Variants in PDLIM1 observed in about 807,000 individuals in gnomAD.
PDLIM1 encodes the protein PDZ and LIM domain protein 1.
In PDLIM1, 25 loss-of-function variants were observed where a neutral mutation model predicts 35.2. That is an observed-to-expected ratio of 0.71 (90% confidence interval 0.52 to 0.99). The LOEUF (loss-of-function observed/expected upper bound fraction) is 0.99. Ranked by LOEUF, PDLIM1 falls within the 50% of genes least tolerant of loss-of-function variation. The pLI is 0.00. For missense variants in PDLIM1, 363 were observed against 415.3 expected, an observed-to-expected ratio of 0.87 and a Z score of 1.09; for synonymous variants, 152 against 154.0, an observed-to-expected ratio of 0.99 and a Z score of 0.10.
intron 1 of PDLIM1, among the ~76,000 whole-genome samples, chr10:95,288,975 G>A (rs928408631): frequency 6.6e-6 from 1 of 152,124 alleles, no homozygotes; most frequent in South Asian, 2.1e-4. Flanking sequence ...AATAATAAAT[G>A]AGTGAATATA....
In PDLIM1 at chr10:95,237,961, A is replaced by C; in HGVS notation, c.954T>G (p.Pro318=). The part of the protein sequence containing the change: ...EKHARERVTP[P]EGYEVVTVFP... ...ACACAGTGACCACTTCATAACCCTC[A>C]GGTGGTGTGACTCGCTCCCGGGCAT... Residue 318 remains proline, a synonymous_variant, in exon 7 of 7, where the codon CCT becomes CCG. Coordinates refer to ENST00000329399, the MANE Select transcript of PDLIM1 (RefSeq NM_020992.4). The C allele has an allele frequency of 6.2e-7, 1 of 1,614,194 alleles. No homozygotes were observed. Among genetic ancestry groups the C allele is most frequent in the Non-Finnish European group, 8.5e-7 (1 of 1,180,038 alleles).
chr10:95,272,134 CAAA>C (rs2035470136), intron 1 of PDLIM1, among the ~76,000 whole-genome samples: 1 of 152,096 alleles, frequency 6.6e-6, no homozygotes, highest in Non-Finnish European at 1.5e-5. Context: ...AGCCAGGAAA[CAAA>C]CCCCGAACAG....
At chr10:95,253,763 T>C (rs1356568606) in intron 4 of PDLIM1, among the ~76,000 whole-genome samples, 1 of 152,182 alleles carries the variant, frequency 6.6e-6, no homozygotes, top group Non-Finnish European at 1.5e-5. Flanking sequence ...ATTCTAACTC[T>C]TGTTGACAAG....
intron 4 of PDLIM1, among the ~76,000 whole-genome samples, chr10:95,263,439 T>C (rs1455877621): frequency 1.3e-5 from 2 of 152,020 alleles, no homozygotes; most frequent in Non-Finnish European, 2.9e-5. Context: ...CTCCCTTGCT[T>C]AGTTCAGATG....
chr10:95,274,474 A>G (rs2035494885), intron 1 of PDLIM1, among the ~76,000 whole-genome samples: 1 of 151,800 alleles, frequency 6.6e-6, no homozygotes, highest in Non-Finnish European at 1.5e-5. Context: ...TTGTATTTTT[A>G]GAAGAGATGG....
intron 4 of PDLIM1, 54 bp from the exon 5 acceptor site, chr10:95,247,420 T>TTCTG: frequency 6.8e-7 from 1 of 1,465,568 alleles, no homozygotes; most frequent in Non-Finnish European, 9.4e-7. Context: ...TAAAAATAAC[T>TTCTG]TCACCAGGAA....
chr10:95,288,162 T>G (rs1385288712), intron 1 of PDLIM1, among the ~76,000 whole-genome samples: 1 of 152,196 alleles, frequency 6.6e-6, no homozygotes, highest in Non-Finnish European at 1.5e-5. Context: ...TTTATGATTT[T>G]TTATTCCACA....
At chr10:95,244,101 AT>A (rs1442638121) in intron 5 of PDLIM1, among the ~76,000 whole-genome samples, 2 of 152,168 alleles carry the variant, frequency 1.3e-5, no homozygotes, top group Non-Finnish European at 2.9e-5. Flanking sequence ...AAGATGGTAA[AT>A]TTTATATTAA....
intron 1 of PDLIM1, among the ~76,000 whole-genome samples, chr10:95,276,004 T>C (rs1564605223): frequency 6.6e-6 from 1 of 152,212 alleles, no homozygotes; most frequent in South Asian, 2.1e-4. Flanking sequence ...TCACATTCTT[T>C]TATGAGCTAT....
rs545755778 is a variant in PDLIM1 at position 95,249,579 on chromosome 10, G to A, written c.534-2213C>T. Among the ~76,000 whole-genome samples, 241 of 152,294 alleles carry A rather than the reference G, an allele frequency of 1.6e-3. 1 individual carries two copies. The highest frequency in any genetic ancestry group is 2.6e-3 in the Non-Finnish European group (179 of 68,032). On this transcript the variant is annotated intron_variant, in intron 4 of 6. Coordinates refer to ENST00000329399, the MANE Select transcript of PDLIM1 (RefSeq NM_020992.4). ...TGGAGCCACTTTCACAGGTGCAAAT[G>A]AATTATATCAGTTACGCTTACTCAT... is the stretch of plus-strand genomic sequence containing the variant.
At position 95,237,974 on chromosome 10, in the gene PDLIM1, C is replaced by G; in HGVS notation, c.941G>C (p.Arg314Pro). 1 of 1,614,180 alleles carries G rather than the reference C, an allele frequency of 6.2e-7. No homozygotes were observed. Among genetic ancestry groups the G allele is most frequent in the Non-Finnish European group, 8.5e-7 (1 of 1,180,026 alleles). Residue 314 changes from arginine to proline, a missense_variant, in exon 7 of 7, where the codon CGA (arginine) becomes CCA (proline). By Grantham distance (103) the Arg-to-Pro change is moderately radical. Coordinates refer to ENST00000329399, the MANE Select transcript of PDLIM1 (RefSeq NM_020992.4). The part of the protein sequence containing the change: ...QIYCEKHARE[R>P]VTPPEGYEVV... ...TTCATAACCCTCAGGTGGTGTGACT[C>G]GCTCCCGGGCATGCTTCTCACAGTA...
chr10:95,287,311 G>A (rs1158886690), intron 1 of PDLIM1, among the ~76,000 whole-genome samples: 4 of 151,932 alleles, frequency 2.6e-5, no homozygotes, highest in Admixed American at 6.6e-5. Context: ...CAATCTTTAC[G>A]ACATGATGTA....
At chr10:95,271,608 A>C (rs776309611) in intron 2 of PDLIM1, 25 bp downstream of exon 2, 2 of 1,580,528 alleles carry the variant, frequency 1.3e-6, no homozygotes, top group African/African-American at 2.7e-5. Flanking sequence ...ATCAGAAATG[A>C]ACAAAACGTT....
At chr10:95,263,095 T>C (rs1406779844) in intron 4 of PDLIM1, among the ~76,000 whole-genome samples, 1 of 149,590 alleles carries the variant, frequency 6.7e-6, no homozygotes, top group Non-Finnish European at 1.5e-5. Context: ...CAGTGAGCTG[T>C]GATCAAACCA....
At chr10:95,269,429 G>A (rs45576331) in intron 2 of PDLIM1, among the ~76,000 whole-genome samples, 2,614 of 152,112 alleles carry the variant, frequency 0.017, 66 homozygotes, top group African/African-American at 0.058. Context: ...AAAATTAGCC[G>A]GGTGTGGTGG....
At chr10:95,289,129 T>TA (rs1422174414) in intron 1 of PDLIM1, among the ~76,000 whole-genome samples, 1 of 152,238 alleles carries the variant, frequency 6.6e-6, no homozygotes, top group East Asian at 1.9e-4. Context: ...CTCCACTACT[T>TA]AAAAAAGGGT....
Position 95,247,462 on chromosome 10 carries a change from G to A in PDLIM1, c.534-96C>T, listed in dbSNP as rs559109455. 6.3e-5 allele frequency: 63 copies of A among 997,908 alleles called. 2 individuals are homozygous for A. In the South Asian group the frequency reaches 9.9e-4, roughly 16 times the overall value. 61.8% of individuals were successfully genotyped at this position (997,908 alleles called of 1,614,324 possible). A position where few individuals can be genotyped will look rare whatever the true frequency, so the allele number is the denominator to read the frequency against. The stretch of plus-strand genomic sequence containing the variant: ...CCAGGCAGACACTGCTGATTTGAAG[G>A]ATGGATAGAAATGATCTCAAAGCCC... On this transcript the variant is annotated intron_variant, in intron 4 of 6. Transcript: ENST00000329399.
rs1468741253 is a variant in PDLIM1 at position 95,271,638 on chromosome 10, T to C, written c.243A>G (p.Val81=). The change falls in exon 2 of 7, where the codon GTA becomes GTG. Residue 81 remains valine (V), a synonymous_variant. Transcript: ENST00000329399. ...AACGTTTCCATAGGCTTCACCTGGC[T>C]ACAGTGAGAGTCAAGTTGTCTGTGC... The part of the protein sequence containing the change: ...KGCTDNLTLT[V]ARSEHKVWSP... The C allele has an allele frequency of 6.2e-7, 1 of 1,601,954 alleles. No individual in the cohort carries two copies. The highest frequency in any genetic ancestry group is 1.8e-5 in the Admixed American group (1 of 56,080).
chr10:95,262,653 T>C (rs2035375154), intron 4 of PDLIM1, among the ~76,000 whole-genome samples: 1 of 132,900 alleles, frequency 7.5e-6, no homozygotes, highest in Non-Finnish European at 1.5e-5. Flanking sequence ...TCATCCTGCC[T>C]GCCACTTTTG....
Sources: gnomAD v4.1 joint callset for allele counts (sites outside exome capture counted in the v4.1 genomes callset) on GRCh38, gnomAD v4.1.1 for gene constraint, MANE v1.5 for transcripts, NCBI Gene and HGNC (gene_info 2026-07-23, HGNC 2026-07-21) for gene names.